FER: variants seen among roughly 807,000 people sequenced by gnomAD.
The protein encoded by FER is tyrosine-protein kinase Fer.
A neutral mutation model predicts 111.0 loss-of-function variants in FER; 63 were observed. The observed-to-expected ratio is 0.57, with a 90% CI of 0.46 to 0.70. The LOEUF is 0.70. FER is among the 30% of genes least tolerant of loss of function. FER has a pLI of 0.00. For synonymous variants in FER, 327 were observed against 313.9 expected, an observed-to-expected ratio of 1.04 and a Z score of -0.44; for missense variants, 914 against 954.0, an observed-to-expected ratio of 0.96 and a Z score of 0.55.
intron 9 of FER, among the ~76,000 whole-genome samples, chr5:108,890,292 A>G (rs183974074): frequency 1.3e-5 from 2 of 152,184 alleles, no homozygotes; most frequent in Admixed American, 1.3e-4. Context: ...TGGTATGTGT[A>G]TCAGTTTCTT....
chr5:109,034,530 C>G (rs1053423776), intron 13 of FER, among the ~76,000 whole-genome samples: 1 of 151,896 alleles, frequency 6.6e-6, no homozygotes, highest in Non-Finnish European at 1.5e-5. Flanking sequence ...TCACAATGAC[C>G]ATGTGCATTC....
chr5:108,907,698 T>G (rs1750987312), intron 10 of FER, among the ~76,000 whole-genome samples: 2 of 152,122 alleles, frequency 1.3e-5, no homozygotes, highest in Admixed American at 1.3e-4. Flanking sequence ...AGCAGAAAAT[T>G]GCAATAAACA....
intron 1 of FER, among the ~76,000 whole-genome samples, chr5:108,767,835 T>C (rs781488688): frequency 6.6e-6 from 1 of 152,190 alleles, no homozygotes; most frequent in Non-Finnish European, 1.5e-5. Flanking sequence ...AAACATGAAT[T>C]ACCTCTTGAA....
intron 17 of FER, among the ~76,000 whole-genome samples, chr5:109,140,217 A>T (rs1753378974): frequency 6.6e-6 from 1 of 152,240 alleles, no homozygotes; most frequent in Admixed American, 6.5e-5. Flanking sequence ...ATGGAAAAGA[A>T]TACATTCCAG....
At chr5:109,099,339 A>C (rs1747924503) in intron 16 of FER, among the ~76,000 whole-genome samples, 1 of 151,574 alleles carries the variant, frequency 6.6e-6, no homozygotes, top group African/African-American at 2.4e-5. Context: ...CTTCTAAAAA[A>C]CTGAATTTTA....
intron 14 of FER, among the ~76,000 whole-genome samples, chr5:109,038,587 G>A (rs1211720298): frequency 1.3e-5 from 2 of 151,858 alleles, no homozygotes; most frequent in Admixed American, 6.6e-5. Context: ...GGCATATTTA[G>A]TAAGTGAATT....
chr5:108,905,263 A>G (rs1750593572), intron 10 of FER, among the ~76,000 whole-genome samples: 2 of 152,250 alleles, frequency 1.3e-5, no homozygotes, highest in South Asian at 2.1e-4. Context: ...CTGTGTTCAT[A>G]TTCATATGAA....
intron 17 of FER, among the ~76,000 whole-genome samples, chr5:109,175,648 A>C (rs977127959): frequency 1.3e-5 from 2 of 152,254 alleles, no homozygotes; most frequent in Admixed American, 1.3e-4. Context: ...AACAATCAGC[A>C]TAGTGAAGAG....
chr5:108,906,472 G>A (rs1411668197), intron 10 of FER, among the ~76,000 whole-genome samples: 2 of 152,084 alleles, frequency 1.3e-5, no homozygotes, highest in Non-Finnish European at 2.9e-5. Context: ...AAACTGTCAT[G>A]TAATTAACTT....
chr5:108,828,552 G>GT (rs1381287754), intron 3 of FER, among the ~76,000 whole-genome samples: 20 of 151,896 alleles, frequency 1.3e-4, no homozygotes, highest in Non-Finnish European at 8.8e-5. Flanking sequence ...TTTATATTCC[G>GT]TTTTGCAAAT....
At chr5:109,076,270 T>A (rs1444234241) in intron 16 of FER, among the ~76,000 whole-genome samples, 2 of 152,310 alleles carry the variant, frequency 1.3e-5, no homozygotes, top group East Asian at 3.9e-4. Context: ...GTAGCAACAT[T>A]ACTAATATTA....
chr5:108,869,437 A>C (rs1223318066), intron 6 of FER, among the ~76,000 whole-genome samples: 1 of 151,916 alleles, frequency 6.6e-6, no homozygotes, highest in Non-Finnish European at 1.5e-5. Flanking sequence ...TCAGAATGTG[A>C]ACTTATTTGG....
intron 16 of FER, among the ~76,000 whole-genome samples, chr5:109,087,722 C>T (rs1272099189): frequency 6.6e-6 from 1 of 151,180 alleles, no homozygotes; most frequent in Non-Finnish European, 1.5e-5. Context: ...GATTTATTTG[C>T]TTATTTTGCC....
intron 13 of FER, among the ~76,000 whole-genome samples, chr5:108,990,008 A>G (rs2149743509): frequency 6.6e-6 from 1 of 152,054 alleles, no homozygotes; most frequent in South Asian, 2.1e-4. Flanking sequence ...AGTGCCTTGT[A>G]CTTACTAGAT....
At chr5:108,764,529 C>T (rs1752100521) in intron 1 of FER, among the ~76,000 whole-genome samples, 1 of 152,080 alleles carries the variant, frequency 6.6e-6, no homozygotes. Context: ...TCCCAAGTAG[C>T]TGGGATTACA....
At chr5:109,132,082 ATAT>A (rs1424153381) in intron 17 of FER, among the ~76,000 whole-genome samples, 1 of 152,194 alleles carries the variant, frequency 6.6e-6, no homozygotes, top group Non-Finnish European at 1.5e-5. Flanking sequence ...ATTATCATCA[ATAT>A]TATTATCTTT....
chr5:109,116,678 G>A (rs1286545538), intron 17 of FER, among the ~76,000 whole-genome samples: 3 of 151,994 alleles, frequency 2.0e-5, no homozygotes, highest in East Asian at 1.9e-4. Flanking sequence ...ACCATATTTC[G>A]AGATAATTGT....
rs1027179163 is a variant in FER at position 108,879,728 on chromosome 5, G to A, written c.924-3668G>A. Among the ~76,000 whole-genome samples the A allele has an allele frequency of 1.7e-4, 14 of 80,418 alleles. No individual in the cohort carries two copies. In the South Asian group the frequency reaches 4.6e-3, roughly 26 times the overall value. 52.8% of individuals were successfully genotyped at this position (80,418 alleles called of 152,430 possible). A position where few individuals can be genotyped will look rare whatever the true frequency, so the allele number is the denominator to read the frequency against. On this transcript the variant is annotated intron_variant, in intron 8 of 19. Coordinates refer to ENST00000281092, the MANE Select transcript of FER (RefSeq NM_005246.4). Reference sequence around the variant, plus strand: ...TATATATATATATATATATATATTTGAGGCAAAGTCTCACTCTGTTGCCTA... The same window carrying A: ...TATATATATATATATATATATATTTAAGGCAAAGTCTCACTCTGTTGCCTA...
rs922138932 is a variant in FER at position 109,195,643 on chromosome 5, C to G, written c.*8068C>G. ...TGTCCAAAGACATGAAACTCTTATA[C>G]CTGCTGAGCATTTCACTTTACTATA... On this transcript the variant is annotated 3_prime_UTR_variant, in exon 20 of 20. Coordinates refer to ENST00000281092, the MANE Select transcript of FER (RefSeq NM_005246.4). 48 of 152,186 alleles carry G rather than the reference C, an allele frequency of 3.2e-4. No individual in the cohort carries two copies. Among genetic ancestry groups the G allele is most frequent in the African/African-American group, 1.1e-3 (46 of 41,446 alleles). 9.4% of individuals were successfully genotyped at this position (152,186 alleles called of 1,614,324 possible). A position where few individuals can be genotyped will look rare whatever the true frequency, so the allele number is the denominator to read the frequency against.
Sources: allele counts gnomAD v4.1 joint callset (sites outside exome capture counted in the v4.1 genomes callset), GRCh38; gene constraint gnomAD v4.1.1; transcripts MANE v1.5; gene names NCBI Gene and HGNC (gene_info 2026-07-23, HGNC 2026-07-21).